CAMTA1: variants seen among roughly 807,000 people sequenced by gnomAD.
CAMTA1 encodes the protein calmodulin-binding transcription activator 1.
Under a neutral mutation model 170.9 loss-of-function variants are expected in CAMTA1, and 27 were observed. The ratio of observed to expected loss-of-function variants is 0.16; its 90% CI spans 0.12 to 0.22. The LOEUF is 0.22. CAMTA1 is among the 10% of genes least tolerant of loss of function. The pLI is 1.00. For synonymous variants in CAMTA1, 833 were observed against 891.5 expected (o/e 0.93, Z 1.17); for missense variants, 1,619 against 2,217.2 (o/e 0.73, Z 5.42).
chr1:7,357,241 A>G (rs370923290), intron 5 of CAMTA1, among the ~76,000 whole-genome samples: 5 of 152,262 alleles, frequency 3.3e-5, no homozygotes, highest in African/African-American at 1.2e-4. Context: ...TTTTTCATTC[A>G]TGTCTTCCTC....
At chr1:7,677,931 C>T (rs528605805) in intron 11 of CAMTA1, among the ~76,000 whole-genome samples, 198 bp downstream of exon 11, 10 of 152,360 alleles carry the variant, frequency 6.6e-5, no homozygotes, top group African/African-American at 2.4e-4. Context: ...TGGACACTGG[C>T]TGGCCCCACC....
At chr1:6,963,331 T>C (rs1690900745) in intron 3 of CAMTA1, among the ~76,000 whole-genome samples, 1 of 132,658 alleles carries the variant, frequency 7.5e-6, no homozygotes, top group African/African-American at 2.8e-5. Flanking sequence ...CCGCCCTCCA[T>C]CCCTTTTGGC....
In CAMTA1 at chr1:7,732,586, G is replaced by A; in HGVS notation, c.3053G>A (p.Gly1018Glu). 1.9e-6 allele frequency: 3 copies of A among 1,608,220 alleles called. No homozygotes were observed. Among genetic ancestry groups the A allele is most frequent in the Non-Finnish European group, 2.5e-6 (3 of 1,177,740 alleles). Residue 1018 changes from glycine (G) to glutamate (E), a missense_variant, in exon 12 of 23, where the codon GGG becomes GAG. Coordinates refer to ENST00000303635, the MANE Select transcript of CAMTA1 (RefSeq NM_015215.4). The surrounding 1 kb of genome is among the most constrained non-coding windows in gnomAD (Gnocchi z 4.1). ...GGCGGCAGCGGGAGCGGGAATGGAG[G>A]GAGCCAGGCACAGGTACGAGGCGGT... The part of the protein sequence containing the change: ...SGGGSGSGNG[G>E]SQAQCASGTG...
chr1:6,929,346 ATTTTT>A (rs5772260), intron 3 of CAMTA1, among the ~76,000 whole-genome samples: 1 of 146,014 alleles, frequency 6.8e-6, no homozygotes. Flanking sequence ...TGCCCAGCTA[ATTTTT>A]TTTTTTTTGT....
At chr1:7,182,424 G>T (rs1049713197) in intron 4 of CAMTA1, among the ~76,000 whole-genome samples, 7 of 151,574 alleles carry the variant, frequency 4.6e-5, no homozygotes, top group African/African-American at 1.7e-4. Flanking sequence ...GCCTGGGGAG[G>T]TCGAGGCTGC....
At chr1:6,993,132 T>C (rs1025387002) in intron 3 of CAMTA1, among the ~76,000 whole-genome samples, 4 of 152,250 alleles carry the variant, frequency 2.6e-5, no homozygotes, top group African/African-American at 9.6e-5. Context: ...TATTGGAGCT[T>C]TATAATAAAT....
chr1:6,976,524 A>G (rs1396305614), intron 3 of CAMTA1, among the ~76,000 whole-genome samples: 1 of 152,154 alleles, frequency 6.6e-6, no homozygotes, highest in Non-Finnish European at 1.5e-5. Context: ...TATGGAATCT[A>G]CCTTTCAGAG....
intron 3 of CAMTA1, among the ~76,000 whole-genome samples, chr1:6,879,616 T>C (rs1206737289): frequency 6.7e-6 from 1 of 148,814 alleles, no homozygotes; most frequent in Non-Finnish European, 1.5e-5. Context: ...CTTTTTTCTT[T>C]TTTTTTTTTT....
chr1:7,544,324 T>G (rs2094658384), intron 6 of CAMTA1, among the ~76,000 whole-genome samples: 1 of 152,170 alleles, frequency 6.6e-6, no homozygotes, highest in Non-Finnish European at 1.5e-5. Flanking sequence ...TGATTCAAAT[T>G]ATCTCCCGCC....
In CAMTA1 at chr1:7,588,383, G is replaced by T. The variant is rs924757145; in HGVS notation, c.511-52017G>T. Among the ~76,000 whole-genome samples, 2 of 152,210 alleles carry T rather than the reference G, an allele frequency of 1.3e-5. No homozygotes were observed. The highest frequency in any genetic ancestry group is 2.9e-5 in the Non-Finnish European group (2 of 68,044). ...ACACACAGTCGGGATGGTCCGGGCGGGGGATGGCCCCAGGGGCTCAGGAGG... is the reference window on the plus strand; with the variant it reads ...ACACACAGTCGGGATGGTCCGGGCGTGGGATGGCCCCAGGGGCTCAGGAGG... On this transcript the variant is annotated intron_variant, in intron 6 of 22. Coordinates refer to ENST00000303635, the MANE Select transcript of CAMTA1 (RefSeq NM_015215.4). This position sits in a 1 kb window ranked among gnomAD's most constrained non-coding sequence, Gnocchi z 5.8.
chr1:6,913,915 G>C (rs1029251883), intron 3 of CAMTA1, among the ~76,000 whole-genome samples: 5 of 152,042 alleles, frequency 3.3e-5, no homozygotes, highest in Non-Finnish European at 5.9e-5. Context: ...TTTGTCTGGA[G>C]CACAGGATTT....
intron 3 of CAMTA1, among the ~76,000 whole-genome samples, chr1:6,938,766 C>T (rs538096261): frequency 6.6e-6 from 1 of 152,252 alleles, no homozygotes; most frequent in Non-Finnish European, 1.5e-5. Flanking sequence ...CCCTGTGGCC[C>T]ATCTGGGACT....
At position 7,769,317 on chromosome 1, in the gene CAMTA1, T is replaced by A. The variant is rs889135133; in HGVS notation, c.*2826T>A. ...CCAGGAGTAGGATTTCATTATAAAATTAATAGCTAATCTTATTCTATCTCC... is the reference window on the plus strand; with the variant it reads ...CCAGGAGTAGGATTTCATTATAAAAATAATAGCTAATCTTATTCTATCTCC... On this transcript the variant is annotated 3_prime_UTR_variant, in exon 23 of 23. Transcript: ENST00000303635. 6.5e-6 allele frequency: 1 copy of A among 152,820 alleles called. No individual in the cohort carries two copies. The highest frequency in any genetic ancestry group is 2.4e-5 in the African/African-American group (1 of 41,470). 9.5% of individuals were successfully genotyped at this position (152,820 alleles called of 1,614,324 possible).
intron 5 of CAMTA1, among the ~76,000 whole-genome samples, chr1:7,427,754 G>A (rs924984552): frequency 1.3e-5 from 2 of 152,182 alleles, no homozygotes; most frequent in Non-Finnish European, 2.9e-5. Flanking sequence ...ACATTCTGCC[G>A]CCCAGGGACG....
chr1:7,691,507 T>C (rs1447772891), intron 11 of CAMTA1, among the ~76,000 whole-genome samples: 1 of 152,194 alleles, frequency 6.6e-6, no homozygotes, highest in Non-Finnish European at 1.5e-5. Flanking sequence ...GAAATCATCC[T>C]GGCTAGAGAT....
At chr1:7,138,819 A>G (rs78198881) in intron 4 of CAMTA1, among the ~76,000 whole-genome samples, 10,186 of 151,708 alleles carry the variant, frequency 0.067, 689 homozygotes, top group African/African-American at 0.17. Flanking sequence ...ACATGGTGAA[A>G]CCCTGTGACT....
intron 7 of CAMTA1, among the ~76,000 whole-genome samples, chr1:7,645,132 C>G (rs899528095): frequency 5.3e-5 from 8 of 152,188 alleles, no homozygotes; most frequent in African/African-American, 1.9e-4. Context: ...TCCTCTCCTC[C>G]CAGATTAGCC....
At chr1:7,606,573 C>T (rs1020412897) in intron 6 of CAMTA1, among the ~76,000 whole-genome samples, 6 of 152,206 alleles carry the variant, frequency 3.9e-5, no homozygotes, top group Admixed American at 3.9e-4. Context: ...AAAAGAACTT[C>T]CCAACTGAGC....
At chr1:7,086,775 C>T (rs116180321) in intron 3 of CAMTA1, among the ~76,000 whole-genome samples, 1,871 of 152,284 alleles carry the variant, frequency 0.012, 37 homozygotes, top group African/African-American at 0.043. Context: ...AATAACATGC[C>T]GTTGTACGTC....
Sources: gnomAD v4.1 joint callset for allele counts (sites outside exome capture counted in the v4.1 genomes callset) on GRCh38, gnomAD v4.1.1 for gene constraint, Gnocchi (gnomAD v3.1) non-coding constraint, MANE v1.5 for transcripts, NCBI Gene and HGNC (gene_info 2026-07-23, HGNC 2026-07-21) for gene names.